Variants in SMARCC1 observed in about 807,000 individuals in gnomAD.
SMARCC1 encodes SWI/SNF related BAF chromatin remodeling complex subunit C1.
SMARCC1 carries 43 observed loss-of-function variants against 147.4 expected under a neutral mutation model. The ratio of observed to expected loss-of-function variants is 0.29; its 90% CI spans 0.23 to 0.38. The LOEUF is 0.38. Among genes scored for constraint, SMARCC1 ranks in the 10% least tolerant of loss-of-function variants. The pLI, the probability that SMARCC1 is intolerant of heterozygous loss-of-function variation, is 1.00. For missense variants in SMARCC1, 1,119 were observed against 1,381.1 expected (o/e 0.81, Z 3.01); for synonymous variants, 495 against 484.4 (o/e 1.02, Z -0.29).
Position 47,781,744 on chromosome 3 carries a change from G to C in SMARCC1, c.54C>G (p.Gly18=), listed in dbSNP as rs2035051387. The C allele has an allele frequency of 6.5e-7, 1 of 1,541,210 alleles. No individual in the cohort carries two copies. The highest frequency in any genetic ancestry group is 1.4e-5 in the African/African-American group (1 of 69,920). ...CTGCGGCTGCCGCCGCAATCCCCGAGCCCGTGGCGCCTACCGCTGTCCCCG... is the reference window on the plus strand; with the variant it reads ...CTGCGGCTGCCGCCGCAATCCCCGACCCCGTGGCGCCTACCGCTGTCCCCG... ...GGPGTAVGAT[G]SGIAAAAAGL... The change falls in exon 1 of 28, where the codon GGC becomes GGG. Residue 18 remains glycine, a synonymous_variant. Coordinates refer to ENST00000254480, the MANE Select transcript of SMARCC1 (RefSeq NM_003074.4).
At position 47,587,401 on chromosome 3, in the gene SMARCC1, T is replaced by C. The variant is rs2032089259; in HGVS notation, c.*808A>G. On this transcript the variant is annotated 3_prime_UTR_variant, in exon 28 of 28. Coordinates refer to ENST00000254480, the MANE Select transcript of SMARCC1 (RefSeq NM_003074.4). Reference sequence around the variant, plus strand: ...ATATTCCAACCCTCAAAGCTCACACTGCCCCCAGAAAAACAAAACACTCAC... The same window carrying C: ...ATATTCCAACCCTCAAAGCTCACACCGCCCCCAGAAAAACAAAACACTCAC... 2 of 152,182 alleles carry C rather than the reference T, an allele frequency of 1.3e-5. No individual in the cohort carries two copies. The highest frequency in any genetic ancestry group is 1.5e-5 in the Non-Finnish European group (1 of 68,052). 9.4% of individuals were successfully genotyped at this position (152,182 alleles called of 1,614,324 possible). A position where few individuals can be genotyped will look rare whatever the true frequency, so the allele number is the denominator to read the frequency against.
chr3:47,638,415 T>C lies in SMARCC1; in HGVS notation c.2376+310A>G, dbSNP rs370057150. Among the ~76,000 whole-genome samples the C allele has an allele frequency of 1.6e-4, 24 of 152,314 alleles. No individual in the cohort carries two copies. The Middle Eastern group carries it at 0.01, about 65-fold the overall frequency. On this transcript the variant is annotated intron_variant, in intron 22 of 27. Transcript: ENST00000254480. ...CCAAGAACCATAACTTTTGTATTCA[T>C]AGTCCCAACTTGTGTATTCATATTC...
chr3:47,733,860 T>A (rs1346743409), intron 5 of SMARCC1, among the ~76,000 whole-genome samples: 3 of 56,388 alleles, frequency 5.3e-5, no homozygotes. Context: ...CGAGACTCTG[T>A]CTCAAAAAAA....
intron 26 of SMARCC1, among the ~76,000 whole-genome samples, chr3:47,605,337 A>C (rs932923319): frequency 2.0e-5 from 3 of 152,228 alleles, no homozygotes; most frequent in Admixed American, 2.0e-4. Flanking sequence ...AATAACTAAA[A>C]TCCAGAAATC....
chr3:47,607,476 A>G (rs1254576630), intron 26 of SMARCC1, among the ~76,000 whole-genome samples: 1 of 152,216 alleles, frequency 6.6e-6, no homozygotes, highest in Non-Finnish European at 1.5e-5. Flanking sequence ...AGCACTTGGT[A>G]TATTACTGTG....
chr3:47,775,351 G>A (rs986704206), intron 1 of SMARCC1, among the ~76,000 whole-genome samples: 6 of 150,232 alleles, frequency 4.0e-5, no homozygotes, highest in Non-Finnish European at 5.9e-5. Context: ...TAGTAGAGAC[G>A]GGGTTTCACC....
intron 13 of SMARCC1, among the ~76,000 whole-genome samples, chr3:47,686,767 T>C (rs1297034314): frequency 6.6e-6 from 1 of 152,196 alleles, no homozygotes; most frequent in Non-Finnish European, 1.5e-5. Flanking sequence ...GGAGGATCAC[T>C]TGAGACCAAA....
Position 47,706,518 on chromosome 3 carries a change from G to C in SMARCC1, c.931C>G (p.Pro311Ala). 1 of 1,574,598 alleles carries C rather than the reference G, an allele frequency of 6.4e-7. No homozygotes were observed. The highest frequency in any genetic ancestry group is 8.6e-7 in the Non-Finnish European group (1 of 1,164,564). ...GATGCTTTTCTATCTCTTCTTTCTG[G>C]ACTTCTGACTGGCTAGGAAGAAGTA... ...STKNEEPVRS[P>A]ERRDRKASAN... The change falls in exon 10 of 28, where the codon CCA becomes GCA. Residue 311 changes from proline to alanine, a missense_variant. Coordinates refer to ENST00000254480, the MANE Select transcript of SMARCC1 (RefSeq NM_003074.4).
In SMARCC1 at chr3:47,637,389, C is replaced by A. The variant is rs536914981; in HGVS notation, c.2377-1253G>T. On this transcript the variant is annotated intron_variant, in intron 22 of 27. Coordinates refer to ENST00000254480, the MANE Select transcript of SMARCC1 (RefSeq NM_003074.4). Reference sequence around the variant, plus strand: ...TTCACTCAAATAGTGACTGACTGATCCCTATGTGCAGTAACAGTATTAGGA... The same window carrying A: ...TTCACTCAAATAGTGACTGACTGATACCTATGTGCAGTAACAGTATTAGGA... 3.3e-5 allele frequency among the ~76,000 whole-genome samples: 5 copies of A among 152,234 alleles called. No homozygotes were observed. In the South Asian group the frequency reaches 8.3e-4, roughly 25 times the overall value.
At chr3:47,774,236 CT>C (rs35831016) in intron 1 of SMARCC1, among the ~76,000 whole-genome samples, 72,574 of 113,226 alleles carry the variant, frequency 0.64, 21,280 homozygotes, top group African/African-American at 0.76. Context: ...CAATCATTTA[CT>C]TTTTTTTTTT....
chr3:47,586,761 T>C lies in SMARCC1; in HGVS notation c.*1448A>G, dbSNP rs1157039386. 4 of 152,454 alleles carry C rather than the reference T, an allele frequency of 2.6e-5. No individual in the cohort carries two copies. Among genetic ancestry groups the C allele is most frequent in the Non-Finnish European group, 5.9e-5 (4 of 68,000 alleles). The allele number at this position is 152,454 out of a possible 1,614,324, so 9.4% of individuals were successfully genotyped here. On this transcript the variant is annotated 3_prime_UTR_variant, in exon 28 of 28. Transcript: ENST00000254480. Reference sequence around the variant, plus strand: ...ATGTGAAGTGAGAAAGCCAGGCGCTTTGGAAACCAAGCTCTACCAAAAACA... The same window carrying C: ...ATGTGAAGTGAGAAAGCCAGGCGCTCTGGAAACCAAGCTCTACCAAAAACA...
At chr3:47,765,079 C>G (rs1393457126) in intron 2 of SMARCC1, among the ~76,000 whole-genome samples, 2 of 152,102 alleles carry the variant, frequency 1.3e-5, no homozygotes, top group South Asian at 2.1e-4. Context: ...TGGAGAAACC[C>G]TGTCTCTACC....
chr3:47,694,049 C>T (rs2033820346), intron 11 of SMARCC1, among the ~76,000 whole-genome samples: 1 of 152,196 alleles, frequency 6.6e-6, no homozygotes, highest in Non-Finnish European at 1.5e-5. Flanking sequence ...CAATACTGTG[C>T]TTAGTTCTTA....
chr3:47,734,637 C>G (rs1325137955), intron 5 of SMARCC1, among the ~76,000 whole-genome samples: 2 of 152,174 alleles, frequency 1.3e-5, no homozygotes, highest in Non-Finnish European at 2.9e-5. Flanking sequence ...ACAGTTTAGT[C>G]ACATGTAATC....
At chr3:47,703,281 A>G (rs905828745) in intron 10 of SMARCC1, among the ~76,000 whole-genome samples, 1 of 152,192 alleles carries the variant, frequency 6.6e-6, no homozygotes, top group African/African-American at 2.4e-5. Context: ...ATGCACCTGT[A>G]GTCCTAGCCA....
chr3:47,675,688 C>G (rs1004758899), intron 17 of SMARCC1, 100 bp from the exon 18 acceptor site: 3 of 627,112 alleles, frequency 4.8e-6, no homozygotes, highest in Non-Finnish European at 8.6e-6. Flanking sequence ...TGGCTCACAC[C>G]TATAATCCCA....
intron 18 of SMARCC1, among the ~76,000 whole-genome samples, chr3:47,674,860 G>A (rs2106754141): frequency 6.6e-6 from 1 of 152,188 alleles, no homozygotes; most frequent in Non-Finnish European, 1.5e-5. Context: ...GGTTTCTAAT[G>A]ATAAACATTA....
intron 18 of SMARCC1, among the ~76,000 whole-genome samples, chr3:47,673,406 G>GGGGGC (rs2033529469): frequency 7.9e-6 from 1 of 125,924 alleles, no homozygotes; most frequent in East Asian, 3.1e-4. Flanking sequence ...GGGTGGGGGG[G>GGGGGC]GGGCAGGCCA....
intron 26 of SMARCC1, among the ~76,000 whole-genome samples, chr3:47,595,276 C>G (rs941700503): frequency 1.3e-5 from 2 of 152,100 alleles, no homozygotes; most frequent in Admixed American, 1.3e-4. Context: ...GCCTGTAATC[C>G]CAGTACTTTG....
Sources: allele counts gnomAD v4.1 joint callset (sites outside exome capture counted in the v4.1 genomes callset), GRCh38; gene constraint gnomAD v4.1.1; transcripts MANE v1.5; gene names NCBI Gene and HGNC (gene_info 2026-07-23, HGNC 2026-07-21).